DTNA: variants seen among roughly 807,000 people sequenced by gnomAD.
DTNA encodes the protein dystrobrevin alpha, also known as dystrophin-related protein 3.
In DTNA, 43 loss-of-function variants were observed where a neutral mutation model predicts 100.7. That is an observed-to-expected ratio of 0.43 (90% CI 0.33 to 0.55). The LOEUF (loss-of-function observed/expected upper bound fraction) is 0.55, where lower values mean the gene tolerates loss of function less well. Among genes scored for constraint, DTNA ranks in the 20% least tolerant of loss-of-function variants. The pLI is 0.04. For missense variants in DTNA, 798 were observed against 953.9 expected (o/e 0.84, Z 2.15); for synonymous variants, 349 against 347.9 (o/e 1.00, Z -0.04).
At chr18:34,713,111 C>T (rs1167146747) in intron 1 of DTNA, among the ~76,000 whole-genome samples, 1 of 151,554 alleles carries the variant, frequency 6.6e-6, no homozygotes, top group Non-Finnish European at 1.5e-5. Flanking sequence ...TTTTAGAAAT[C>T]TAAGACTTTT....
chr18:34,531,292 A>C (rs560152904), intron 1 of DTNA, among the ~76,000 whole-genome samples: 1 of 152,186 alleles, frequency 6.6e-6, no homozygotes, highest in Admixed American at 6.5e-5. Context: ...TGTGGTTTCG[A>C]ATCTCTCTTT....
At chr18:34,822,282 A>G (rs2095743027) in intron 9 of DTNA, 1 of 152,246 alleles carries the variant, frequency 6.6e-6, no homozygotes, top group African/African-American at 2.4e-5. Flanking sequence ...CCTTATTAAG[A>G]TCTAGACTTT....
chr18:34,592,670 C>T (rs1040437367), intron 1 of DTNA, among the ~76,000 whole-genome samples: 1 of 151,996 alleles, frequency 6.6e-6, no homozygotes, highest in Non-Finnish European at 1.5e-5. Flanking sequence ...ACAGATTGAA[C>T]AGTTGCCCTC....
At chr18:34,501,091 T>A (rs567802901) in intron 1 of DTNA, among the ~76,000 whole-genome samples, 190 of 152,320 alleles carry the variant, frequency 1.2e-3, no homozygotes, top group African/African-American at 4.3e-3. Flanking sequence ...TATCTGTAAG[T>A]TTTATGTAAG....
In DTNA at chr18:34,838,745, G is replaced by C; in HGVS notation, c.1254G>C (p.Gly418=). ...TTTCTTTCCCCCTGCCCTGTTTCAG[G>C]ATACAGTACAGCCTGAATGTGGCAG... ...RAAPAFLKGK[G]IQYSLNVADR... Residue 418 remains glycine, a splice_region_variant and synonymous_variant, in exon 13 of 23, where the codon GGG becomes GGC. Coordinates refer to ENST00000444659, the MANE Select transcript of DTNA (RefSeq NM_001386795.1). The C allele has an allele frequency of 6.2e-7, 1 of 1,613,422 alleles. No homozygotes were observed. The highest frequency in any genetic ancestry group is 8.5e-7 in the Non-Finnish European group (1 of 1,179,522).
chr18:34,504,505 C>G (rs1187019036), intron 1 of DTNA, among the ~76,000 whole-genome samples: 1 of 152,148 alleles, frequency 6.6e-6, no homozygotes, highest in African/African-American at 2.4e-5. Flanking sequence ...TCTAGCCACC[C>G]TTTGTGAGCA....
chr18:34,576,834 C>T (rs143915425), intron 1 of DTNA, among the ~76,000 whole-genome samples: 100 of 152,242 alleles, frequency 6.6e-4, no homozygotes, highest in African/African-American at 2.3e-3. Context: ...CTAGAGGCTG[C>T]AAGGGACAAA....
intron 1 of DTNA, among the ~76,000 whole-genome samples, chr18:34,659,775 G>A (rs1227507305): frequency 6.6e-6 from 1 of 152,218 alleles, no homozygotes; most frequent in East Asian, 1.9e-4. Context: ...GTTATCTTGC[G>A]CATTAACCGG....
intron 1 of DTNA, among the ~76,000 whole-genome samples, chr18:34,749,448 A>G (rs2092060936): frequency 6.6e-6 from 1 of 152,040 alleles, no homozygotes; most frequent in Non-Finnish European, 1.5e-5. Context: ...AACTCTTAGT[A>G]TAAATGCTCA....
chr18:34,668,465 T>C (rs1277749077), intron 1 of DTNA, among the ~76,000 whole-genome samples: 2 of 152,170 alleles, frequency 1.3e-5, no homozygotes, highest in Non-Finnish European at 2.9e-5. Context: ...TGCCTTCTGC[T>C]AGCTTTTGAA....
At chr18:34,792,533 A>C (rs1283842599) in intron 3 of DTNA, among the ~76,000 whole-genome samples, 1 of 152,232 alleles carries the variant, frequency 6.6e-6, no homozygotes, top group Admixed American at 6.5e-5. Flanking sequence ...AGACAAAAAA[A>C]TAGGGAGCTG....
At chr18:34,822,155 T>C (rs2095739761) in intron 9 of DTNA, among the ~76,000 whole-genome samples, 1 of 152,234 alleles carries the variant, frequency 6.6e-6, no homozygotes, top group African/African-American at 2.4e-5. Flanking sequence ...TAGCTTATTT[T>C]TGGAAATTAT....
intron 5 of DTNA, among the ~76,000 whole-genome samples, chr18:34,806,875 T>C (rs540859124): frequency 6.6e-6 from 1 of 152,328 alleles, no homozygotes; most frequent in South Asian, 2.1e-4. Context: ...ACATTTTGTC[T>C]CTAAATATGG....
chr18:34,688,850 C>A (rs1230391611), intron 1 of DTNA, among the ~76,000 whole-genome samples: 1 of 152,018 alleles, frequency 6.6e-6, no homozygotes, highest in African/African-American at 2.4e-5. Context: ...CCTTTTCATT[C>A]TTTTTTCTCT....
intron 1 of DTNA, among the ~76,000 whole-genome samples, chr18:34,570,795 AG>A (rs1320196617): frequency 6.6e-6 from 1 of 152,168 alleles, no homozygotes; most frequent in Non-Finnish European, 1.5e-5. Context: ...GAAGTTGTTG[AG>A]GAAGTTTAAA....
At chr18:34,597,481 C>T (rs2050869288) in intron 1 of DTNA, among the ~76,000 whole-genome samples, 1 of 152,140 alleles carries the variant, frequency 6.6e-6, no homozygotes, top group South Asian at 2.1e-4. Flanking sequence ...CTCACCCTGC[C>T]ACTACATACA....
chr18:34,831,505 C>T (rs570736992), intron 11 of DTNA, among the ~76,000 whole-genome samples: 6 of 152,298 alleles, frequency 3.9e-5, no homozygotes, highest in South Asian at 2.1e-4. Context: ...AGGTGGCTCA[C>T]GCCTGTAATC....
At chr18:34,789,148 C>A (rs564508767) in intron 3 of DTNA, among the ~76,000 whole-genome samples, 44 of 152,286 alleles carry the variant, frequency 2.9e-4, no homozygotes, top group African/African-American at 8.9e-4. Context: ...AATCTGAATT[C>A]TTTCCACTAT....
At chr18:34,863,114 A>G (rs978899027) in intron 16 of DTNA, among the ~76,000 whole-genome samples, 1 of 152,244 alleles carries the variant, frequency 6.6e-6, no homozygotes, top group African/African-American at 2.4e-5. Flanking sequence ...TTCAGTAATA[A>G]TCATTCAGTA....
Sources: gnomAD v4.1 joint callset for allele counts (sites outside exome capture counted in the v4.1 genomes callset) on GRCh38, gnomAD v4.1.1 for gene constraint, MANE v1.5 for transcripts, NCBI Gene and HGNC (gene_info 2026-07-23, HGNC 2026-07-21) for gene names.